Variants in ZDHHC17 observed in about 807,000 individuals in gnomAD.
ZDHHC17 encodes the protein zDHHC palmitoyltransferase 17.
A neutral mutation model predicts 90.3 loss-of-function variants in ZDHHC17; 40 were observed. That is an observed-to-expected ratio of 0.44 (90% CI 0.34 to 0.58). The LOEUF is 0.58. ZDHHC17 is among the 20% of genes least tolerant of loss of function. The pLI is 0.01. For synonymous variants in ZDHHC17, 235 were observed against 252.4 expected (o/e 0.93, Z 0.65); for missense variants, 614 against 780.8 (o/e 0.79, Z 2.55).
At chr12:76,794,429 C>A (rs1226660194) in intron 1 of ZDHHC17, among the ~76,000 whole-genome samples, 1 of 152,050 alleles carries the variant, frequency 6.6e-6, no homozygotes, top group East Asian at 1.9e-4. Flanking sequence ...TAGAGATAAA[C>A]CAGTATCCAG....
chr12:76,796,409 CTATA>C (rs1442723508), intron 1 of ZDHHC17, among the ~76,000 whole-genome samples: 1 of 151,938 alleles, frequency 6.6e-6, no homozygotes, highest in Admixed American at 6.6e-5. Flanking sequence ...AGGAAATTGA[CTATA>C]TATACCAAAT....
intron 1 of ZDHHC17, among the ~76,000 whole-genome samples, chr12:76,792,102 G>A (rs1234781126): frequency 6.6e-6 from 1 of 152,102 alleles, no homozygotes; most frequent in African/African-American, 2.4e-5. Context: ...AAGAAGAGTT[G>A]AAAATTCCAG....
chr12:76,779,891 T>C lies in ZDHHC17; in HGVS notation c.93+15562T>C, dbSNP rs569939680. Among the ~76,000 whole-genome samples the C allele has an allele frequency of 9.2e-5, 14 of 152,198 alleles. No individual in the cohort carries two copies. The South Asian group carries it at 2.9e-3, about 32-fold the overall frequency. On this transcript the variant is annotated intron_variant, in intron 1 of 16. Transcript: ENST00000426126. ...GCTTCTTTTTTCTTTTTTTTTTGCCTATAGATATCCAACTGCTGTGGTACA... is the reference window on the plus strand; with the variant it reads ...GCTTCTTTTTTCTTTTTTTTTTGCCCATAGATATCCAACTGCTGTGGTACA...
chr12:76,792,795 CT>C (rs569370997), intron 1 of ZDHHC17, among the ~76,000 whole-genome samples: 1 of 151,284 alleles, frequency 6.6e-6, no homozygotes, highest in Non-Finnish European at 1.5e-5. Flanking sequence ...AGTTTCAGAA[CT>C]TTTTTTTTAG....
intron 1 of ZDHHC17, among the ~76,000 whole-genome samples, chr12:76,786,358 G>A (rs1246442849): frequency 2.0e-5 from 3 of 152,114 alleles, no homozygotes; most frequent in African/African-American, 7.2e-5. Context: ...CTGGGTTGAA[G>A]TGAATCTCCT....
At chr12:76,839,356 T>G (rs1232032193) in intron 10 of ZDHHC17, among the ~76,000 whole-genome samples, 2 of 152,224 alleles carry the variant, frequency 1.3e-5, no homozygotes, top group Non-Finnish European at 2.9e-5. Context: ...TCATCATCTT[T>G]TTTGGCCTTC....
intron 2 of ZDHHC17, among the ~76,000 whole-genome samples, chr12:76,801,769 A>C (rs945506956): frequency 6.6e-6 from 1 of 152,184 alleles, no homozygotes; most frequent in Non-Finnish European, 1.5e-5. Flanking sequence ...CCTCATCTAT[A>C]CGCTTTTTAG....
chr12:76,815,034 G>A (rs1244659371), intron 5 of ZDHHC17, 112 bp from the exon 6 acceptor site: 2 of 578,342 alleles, frequency 3.5e-6, no homozygotes, highest in Non-Finnish European at 5.9e-6. Context: ...ATCCTTGATT[G>A]AGTAGTATTA....
Position 76,815,854 on chromosome 12 carries a change from C to CA in ZDHHC17, c.609-2dup. 1 of 1,329,820 alleles carries CA rather than the reference C, an allele frequency of 7.5e-7. No individual in the cohort carries two copies. The highest frequency in any genetic ancestry group is 9.7e-7 in the Non-Finnish European group (1 of 1,026,978). 82.4% of individuals were successfully genotyped at this position (1,329,820 alleles called of 1,614,324 possible). A position where few individuals can be genotyped will look rare whatever the true frequency, so the allele number is the denominator to read the frequency against. Reference sequence around the variant, plus strand: ...GTTTGTTTTTTTTTTTTTTCCTTTTCAGTGTGGATCCAACTAGATTGCTTT... The same window carrying CA: ...GTTTGTTTTTTTTTTTTTTCCTTTTCAAGTGTGGATCCAACTAGATTGCTTT... On this transcript the variant is annotated splice_polypyrimidine_tract_variant and splice_region_variant and intron_variant, in intron 6 of 16. Transcript: ENST00000426126.
intron 7 of ZDHHC17, among the ~76,000 whole-genome samples, chr12:76,818,199 G>T (rs1433458425): frequency 6.6e-6 from 1 of 150,636 alleles, no homozygotes; most frequent in East Asian, 2.0e-4. Flanking sequence ...AAAATTACCT[G>T]TATCTACACT....
chr12:76,845,650 G>A (rs1953486394), intron 12 of ZDHHC17, 59 bp from the exon 13 acceptor site: 1 of 661,488 alleles, frequency 1.5e-6, no homozygotes, highest in East Asian at 3.0e-5. Flanking sequence ...AAAATAAATA[G>A]TCAGCTTTTC....
At chr12:76,789,997 A>G (rs1194021597) in intron 1 of ZDHHC17, among the ~76,000 whole-genome samples, 1 of 152,190 alleles carries the variant, frequency 6.6e-6, no homozygotes, top group African/African-American at 2.4e-5. Context: ...TGCACAAAGT[A>G]TGGGCTTAGT....
At chr12:76,771,875 C>G (rs1350633316) in intron 1 of ZDHHC17, among the ~76,000 whole-genome samples, 2 of 152,126 alleles carry the variant, frequency 1.3e-5, no homozygotes, top group African/African-American at 4.8e-5. Flanking sequence ...CTCAGATAAC[C>G]TAAACTCAGG....
In ZDHHC17 at chr12:76,846,599, C is replaced by T; in HGVS notation, c.1427C>T (p.Ala476Val). 6.2e-7 allele frequency: 1 copy of T among 1,611,212 alleles called. No individual in the cohort carries two copies. The highest frequency in any genetic ancestry group is 8.5e-7 in the Non-Finnish European group (1 of 1,178,366). The change falls in exon 14 of 17, where the codon GCA becomes GTA. Residue 476 changes from alanine (A) to valine (V), a missense_variant. Coordinates refer to ENST00000426126, the MANE Select transcript of ZDHHC17 (RefSeq NM_015336.4). ...TTGCTTCTGTGTCGTTCTTCAGGTG[C>T]AGGCAACCATAGATATTTTATGGGC... is the stretch of plus-strand genomic sequence containing the variant. Reference protein sequence around the residue: ...HCPWVGNCVGAGNHRYFMGYL... With the variant: ...HCPWVGNCVGVGNHRYFMGYL...
intron 11 of ZDHHC17, 101 bp from the exon 12 acceptor site, chr12:76,842,818 A>T: frequency 1.2e-6 from 1 of 818,222 alleles, no homozygotes; most frequent in Non-Finnish European, 1.9e-6. Flanking sequence ...AAACATCAGT[A>T]AATTAAAGAT....
intron 3 of ZDHHC17, among the ~76,000 whole-genome samples, chr12:76,805,813 C>G (rs1330007220): frequency 2.0e-5 from 3 of 152,184 alleles, no homozygotes; most frequent in East Asian, 1.9e-4. Flanking sequence ...CTCAGGCAGT[C>G]TGACTTGGTG....
At chr12:76,765,187 T>C (rs1952417829) in intron 1 of ZDHHC17, among the ~76,000 whole-genome samples, 1 of 152,190 alleles carries the variant, frequency 6.6e-6, no homozygotes, top group Non-Finnish European at 1.5e-5. Context: ...AGAACTCGGG[T>C]AGTTTTCATG....
chr12:76,767,265 T>A (rs1952441969), intron 1 of ZDHHC17, among the ~76,000 whole-genome samples: 1 of 152,190 alleles, frequency 6.6e-6, no homozygotes. Context: ...GGAACAAATT[T>A]CATTTCACTT....
At chr12:76,772,838 C>G (rs1952511846) in intron 1 of ZDHHC17, among the ~76,000 whole-genome samples, 1 of 151,914 alleles carries the variant, frequency 6.6e-6, no homozygotes, top group Non-Finnish European at 1.5e-5. Flanking sequence ...AGCCACCGCG[C>G]CCGGCCTTAA....
Sources: gnomAD v4.1 joint callset for allele counts (sites outside exome capture counted in the v4.1 genomes callset) on GRCh38, gnomAD v4.1.1 for gene constraint, MANE v1.5 for transcripts, NCBI Gene and HGNC (gene_info 2026-07-23, HGNC 2026-07-21) for gene names.